The following BRDT variants were observed in gnomAD, a reference collection of about 807,000 sequenced individuals.
BRDT encodes bromodomain testis associated.
In BRDT, 77 loss-of-function variants were observed where a neutral mutation model predicts 113.9. The ratio of observed to expected loss-of-function variants is 0.68; its 90% CI spans 0.56 to 0.82. The LOEUF (loss-of-function observed/expected upper bound fraction) is 0.82, where lower values mean the gene tolerates loss of function less well. BRDT is among the 40% of genes least tolerant of loss of function. The pLI is 0.00. For missense variants in BRDT, 1,027 were observed against 1,105.4 expected, an observed-to-expected ratio of 0.93 and a Z score of 1.01; for synonymous variants, 358 against 366.5, an observed-to-expected ratio of 0.98 and a Z score of 0.26.
chr1:92,003,305 T>G (rs1687018147), intron 16 of BRDT, among the ~76,000 whole-genome samples: 1 of 152,196 alleles, frequency 6.6e-6, no homozygotes, highest in African/African-American at 2.4e-5. Context: ...AGTTTTCTCC[T>G]CATATTTCAT....
intron 18 of BRDT, among the ~76,000 whole-genome samples, chr1:92,013,077 G>A (rs1485102749): frequency 1.3e-5 from 2 of 151,562 alleles, no homozygotes; most frequent in East Asian, 1.9e-4. Context: ...AATTACCTGG[G>A]CATGGCGGTG....
At chr1:91,985,831 G>A (rs1343182442) in intron 12 of BRDT, among the ~76,000 whole-genome samples, 2 of 151,060 alleles carry the variant, frequency 1.3e-5, no homozygotes, top group Non-Finnish European at 3.0e-5. Context: ...GTAGAGACGG[G>A]GTTTCACCGT....
chr1:91,991,994 A>G (rs1685816391), intron 13 of BRDT, among the ~76,000 whole-genome samples: 2 of 91,378 alleles, frequency 2.2e-5, no homozygotes, highest in African/African-American at 1.0e-4. Flanking sequence ...TCTGTCTCAA[A>G]AAAAAAAAAA....
At chr1:91,969,329 C>A (rs551146512) in intron 4 of BRDT, among the ~76,000 whole-genome samples, 17 of 101,058 alleles carry the variant, frequency 1.7e-4, no homozygotes, top group Non-Finnish European at 3.2e-4. Context: ...AGGTTCATGG[C>A]AGAGGTTGAT....
At chr1:92,012,221 C>T (rs955814858) in intron 18 of BRDT, among the ~76,000 whole-genome samples, 87 of 151,070 alleles carry the variant, frequency 5.8e-4, no homozygotes, top group South Asian at 2.1e-4. Context: ...TCATTTGAAT[C>T]GGGAGGCAGA....
chr1:91,974,356 A>G (rs200410606), intron 4 of BRDT, among the ~76,000 whole-genome samples: 2 of 152,150 alleles, frequency 1.3e-5, no homozygotes, highest in African/African-American at 4.8e-5. Context: ...GCAACCTACA[A>G]AATGGGAGAA....
intron 18 of BRDT, 70 bp downstream of exon 18, chr1:92,005,369 T>C (rs1687208050): frequency 7.5e-7 from 1 of 1,331,256 alleles, no homozygotes; most frequent in South Asian, 2.1e-5. Context: ...GTCTTTTGTA[T>C]GTTCAAGGAT....
chr1:91,994,867 C>CAAAAAAAAAAAA (rs11330809), intron 15 of BRDT, among the ~76,000 whole-genome samples: 1 of 65,472 alleles, frequency 1.5e-5, no homozygotes, highest in African/African-American at 6.7e-5. Context: ...GACTCCGTCT[C>CAAAAAAAAAAAA]AAAAAAAAAA....
chr1:91,961,999 G>A lies in BRDT; in HGVS notation c.-37-719G>A, dbSNP rs7530495. On this transcript the variant is annotated intron_variant, in intron 1 of 18. Transcript: ENST00000399546. ...TCTCTACTAAAAATACAAAAAGTTA[G>A]CCGGGCGTAGTGGAGGGCGCCTGTA... Among the ~76,000 whole-genome samples the A allele has an allele frequency of 2.7e-3, 412 of 151,570 alleles. 3 individuals are homozygous for A. Among genetic ancestry groups the A allele is most frequent in the African/African-American group, 9.7e-3 (399 of 41,296 alleles).
At chr1:91,989,016 T>C (rs1685531271) in intron 12 of BRDT, among the ~76,000 whole-genome samples, 1 of 152,102 alleles carries the variant, frequency 6.6e-6, no homozygotes, top group Admixed American at 6.5e-5. Context: ...TTTTGGGACT[T>C]CAAACTCCTG....
At chr1:91,988,917 A>G (rs970351621) in intron 12 of BRDT, among the ~76,000 whole-genome samples, 1 of 152,258 alleles carries the variant, frequency 6.6e-6, no homozygotes, top group Non-Finnish European at 1.5e-5. Context: ...TGAGACTTTT[A>G]TGAGACATAT....
chr1:91,976,247 C>G lies in BRDT; in HGVS notation c.446-19C>G. ...ACTTTATTCATTCATATATTTGATT[C>G]TGGCTCATACTTTTCCAGGCACTCA... On this transcript the variant is annotated intron_variant, in intron 4 of 18. Transcript: ENST00000399546. 1.9e-6 allele frequency: 3 copies of G among 1,557,678 alleles called. No homozygotes were observed. The highest frequency in any genetic ancestry group is 2.6e-6 in the Non-Finnish European group (3 of 1,156,856).
chr1:91,957,996 T>C (rs1353330206), intron 1 of BRDT, among the ~76,000 whole-genome samples: 1 of 152,004 alleles, frequency 6.6e-6, no homozygotes, highest in Non-Finnish European at 1.5e-5. Context: ...TGTGCCACAT[T>C]GCCTGGCTAA....
intron 1 of BRDT, among the ~76,000 whole-genome samples, chr1:91,956,904 A>C (rs1302586276): frequency 6.6e-6 from 1 of 152,164 alleles, no homozygotes; most frequent in Admixed American, 6.5e-5. Context: ...GAGCCACTGC[A>C]CCCCTGCTTG....
At position 91,974,841 on chromosome 1, in the gene BRDT, A is replaced by T. The variant is rs1438172233; in HGVS notation, c.446-1425A>T. Among the ~76,000 whole-genome samples, 3 of 152,332 alleles carry T rather than the reference A, an allele frequency of 2.0e-5. No homozygotes were observed. The South Asian group carries it at 6.2e-4, about 32-fold the overall frequency. On this transcript the variant is annotated intron_variant, in intron 4 of 18. Coordinates refer to ENST00000399546, the MANE Select transcript of BRDT (RefSeq NM_207189.4). The stretch of plus-strand genomic sequence containing the variant: ...TAAAGACACATGCACACATATGTTT[A>T]TTGTGGCACTATTCACAATAGCAAA...
intron 1 of BRDT, among the ~76,000 whole-genome samples, chr1:91,957,811 ATC>A (rs1350803725): frequency 1.3e-5 from 2 of 151,636 alleles, no homozygotes; most frequent in African/African-American, 2.4e-5. Flanking sequence ...TCTTTTTACT[ATC>A]TCTATAGTTT....
At chr1:92,000,492 A>G (rs748706800) in intron 15 of BRDT, among the ~76,000 whole-genome samples, 4 of 152,128 alleles carry the variant, frequency 2.6e-5, no homozygotes, top group Admixed American at 6.5e-5. Flanking sequence ...TTGCCCTCCT[A>G]TGCTCACTGC....
In BRDT at chr1:91,978,178, A is replaced by T; in HGVS notation, c.980A>T (p.Asp327Val). 6.2e-7 allele frequency: 1 copy of T among 1,612,000 alleles called. No individual in the cohort carries two copies. The highest frequency in any genetic ancestry group is 8.5e-7 in the Non-Finnish European group (1 of 1,178,766). ...TTTTCTTTAATTTAGGAGAAAATGG[A>T]TAACCAAGAATATAAGGATGCATAC... ...MDLGTIKEKM[D>V]NQEYKDAYKF... Residue 327 changes from aspartate to valine, a missense_variant, in exon 7 of 19, where the codon GAT becomes GTT. Physicochemically the swap from Asp to Val is radical, Grantham distance 152. Coordinates refer to ENST00000399546, the MANE Select transcript of BRDT (RefSeq NM_207189.4).
At chr1:92,013,422 CAACT>C (rs1448518202) in intron 18 of BRDT, among the ~76,000 whole-genome samples, 2 of 152,106 alleles carry the variant, frequency 1.3e-5, no homozygotes, top group Admixed American at 6.5e-5. Context: ...AGAAGCCAAC[CAACT>C]GATTGCAAAT....
Sources: gnomAD v4.1 joint callset for allele counts (sites outside exome capture counted in the v4.1 genomes callset) on GRCh38, gnomAD v4.1.1 for gene constraint, MANE v1.5 for transcripts, NCBI Gene and HGNC (gene_info 2026-07-23, HGNC 2026-07-21) for gene names.